The following GRIK2 variants were observed in gnomAD, a reference collection of about 807,000 sequenced individuals.
The protein encoded by GRIK2 is glutamate receptor ionotropic, kainate 2.
GRIK2 carries 32 observed loss-of-function variants against 100.3 expected under a neutral mutation model. The ratio of observed to expected loss-of-function variants is 0.32; its 90% CI spans 0.24 to 0.43. GRIK2 has a LOEUF of 0.43. GRIK2 is among the 20% of genes least tolerant of loss of function. The pLI, the probability that GRIK2 is intolerant of heterozygous loss-of-function variation, is 1.00. For missense variants in GRIK2, 843 were observed against 1,114.9 expected, an observed-to-expected ratio of 0.76 and a Z score of 3.47; for synonymous variants, 417 against 389.4, an observed-to-expected ratio of 1.07 and a Z score of -0.83.
chr6:101,740,598 GT>G (rs982541031), intron 7 of GRIK2, among the ~76,000 whole-genome samples: 7 of 152,094 alleles, frequency 4.6e-5, no homozygotes, highest in Non-Finnish European at 8.8e-5. Context: ...TCTGTTTTGT[GT>G]TTTTATAAAG....
chr6:101,402,454 G>A (rs751560322), intron 2 of GRIK2, among the ~76,000 whole-genome samples: 17 of 152,250 alleles, frequency 1.1e-4, no homozygotes, highest in Non-Finnish European at 2.4e-4. Flanking sequence ...AGGCTGGCCT[G>A]CTCCTCTGCA....
intron 14 of GRIK2, among the ~76,000 whole-genome samples, chr6:102,013,060 C>A (rs1228203682): frequency 6.6e-6 from 1 of 152,100 alleles, no homozygotes; most frequent in Non-Finnish European, 1.5e-5. Flanking sequence ...TTTTTCCTAT[C>A]TATGAGTATA....
chr6:101,797,119 G>A (rs1179809514), intron 7 of GRIK2, among the ~76,000 whole-genome samples: 1 of 151,898 alleles, frequency 6.6e-6, no homozygotes, highest in Non-Finnish European at 1.5e-5. Flanking sequence ...CTTGGAATTA[G>A]AAATATTATA....
chr6:101,802,589 A>T (rs1008202474), intron 9 of GRIK2, 151 bp downstream of exon 9: 3 of 412,866 alleles, frequency 7.3e-6, no homozygotes, highest in African/African-American at 6.2e-5. Flanking sequence ...GAATATAATA[A>T]TTGACAATTA....
At chr6:101,975,855 C>A (rs1288063417) in intron 14 of GRIK2, among the ~76,000 whole-genome samples, 1 of 151,850 alleles carries the variant, frequency 6.6e-6, no homozygotes, top group Non-Finnish European at 1.5e-5. Context: ...ATCCCTCCAT[C>A]CATCCATCCA....
chr6:101,575,305 T>C lies in GRIK2; in HGVS notation c.116-46644T>C, dbSNP rs573225941. Among the ~76,000 whole-genome samples the C allele has an allele frequency of 7.2e-5, 11 of 152,058 alleles. No individual in the cohort carries two copies. The South Asian group carries it at 1.9e-3, about 26-fold the overall frequency. On this transcript the variant is annotated intron_variant, in intron 2 of 16. Transcript: ENST00000369134. ...CTATTCAAATAAATTACAAATGTAA[T>C]AGTTTTCTAATTTTTTTGTAGCAGA...
At chr6:101,856,373 T>A (rs949047389) in intron 10 of GRIK2, among the ~76,000 whole-genome samples, 2 of 152,202 alleles carry the variant, frequency 1.3e-5, no homozygotes, top group African/African-American at 4.8e-5. Context: ...ATGTGAGCTG[T>A]AATATAATGT....
rs969115536 is a variant in GRIK2, at chr6:101,685,052, C to T, written c.778-1128C>T. On this transcript the variant is annotated intron_variant, in intron 6 of 16. Coordinates refer to ENST00000369134, the MANE Select transcript of GRIK2 (RefSeq NM_021956.5). ...ATATTTGGGGGTAGCATGTTCTGAGCCTCATCACAGCTAAGATCCCATCTG... is the reference window on the plus strand; with the variant it reads ...ATATTTGGGGGTAGCATGTTCTGAGTCTCATCACAGCTAAGATCCCATCTG... 2.6e-4 allele frequency among the ~76,000 whole-genome samples: 40 copies of T among 152,206 alleles called. 1 individual carries two copies. The highest frequency in any genetic ancestry group is 9.6e-4 in the African/African-American group (40 of 41,528).
intron 7 of GRIK2, among the ~76,000 whole-genome samples, chr6:101,710,028 G>A (rs1032407196): frequency 6.6e-6 from 1 of 151,748 alleles, no homozygotes; most frequent in East Asian, 1.9e-4. Context: ...ATTAACTCTG[G>A]GAATTATATC....
At chr6:101,662,343 G>A (rs951855647) in intron 4 of GRIK2, among the ~76,000 whole-genome samples, 3 of 152,080 alleles carry the variant, frequency 2.0e-5, no homozygotes, top group African/African-American at 4.8e-5. Flanking sequence ...TCATAGGCTC[G>A]CTTCTCCTTG....
chr6:101,976,458 G>A (rs1457109334), intron 14 of GRIK2, among the ~76,000 whole-genome samples: 1 of 151,798 alleles, frequency 6.6e-6, no homozygotes, highest in Non-Finnish European at 1.5e-5. Flanking sequence ...GCACTTTGTG[G>A]GCCTGAGGAG....
At chr6:101,679,913 T>C (rs1436308863) in intron 5 of GRIK2, among the ~76,000 whole-genome samples, 1 of 152,182 alleles carries the variant, frequency 6.6e-6, no homozygotes, top group Non-Finnish European at 1.5e-5. Flanking sequence ...GTATTTTTTG[T>C]ATTTTTAGTA....
At chr6:101,709,235 G>A (rs1016884094) in intron 7 of GRIK2, among the ~76,000 whole-genome samples, 7 of 151,618 alleles carry the variant, frequency 4.6e-5, no homozygotes, top group African/African-American at 1.7e-4. Flanking sequence ...CTATGAGAAA[G>A]ATATAAAACA....
intron 2 of GRIK2, among the ~76,000 whole-genome samples, chr6:101,592,624 T>TATATATATATATATATATATA (rs71028078): frequency 7.4e-4 from 99 of 133,408 alleles, no homozygotes; most frequent in East Asian, 1.1e-3. Context: ...TATATATATA[T>TATATATATATATATATATATA]TGCTTTTTCA....
At chr6:101,704,874 A>C (rs1356905199) in intron 7 of GRIK2, among the ~76,000 whole-genome samples, 1 of 149,802 alleles carries the variant, frequency 6.7e-6, no homozygotes, top group African/African-American at 2.4e-5. Flanking sequence ...TAAACTATTA[A>C]GTTTCTCTCA....
At chr6:101,894,620 A>G (rs1345913089) in intron 12 of GRIK2, among the ~76,000 whole-genome samples, 4 of 151,688 alleles carry the variant, frequency 2.6e-5, no homozygotes, top group African/African-American at 9.7e-5. Context: ...GATGGCAGTT[A>G]GTCATATAAA....
rs1460531311 is a variant in GRIK2 at position 101,528,503 on chromosome 6, G to C, written c.116-93446G>C. On this transcript the variant is annotated intron_variant, in intron 2 of 16. Coordinates refer to ENST00000369134, the MANE Select transcript of GRIK2 (RefSeq NM_021956.5). ...GACTTTTTAGGTTTTCAAATTTCAG[G>C]TAAGGAACTGTGAAACTCTATTATA... Among the ~76,000 whole-genome samples, 6 of 152,060 alleles carry C rather than the reference G, an allele frequency of 3.9e-5. No individual in the cohort carries two copies. In the East Asian group the frequency reaches 1.2e-3, roughly 29 times the overall value.
At chr6:101,754,891 G>A (rs146617542) in intron 7 of GRIK2, among the ~76,000 whole-genome samples, 136 of 152,264 alleles carry the variant, frequency 8.9e-4, no homozygotes, top group African/African-American at 3.1e-3. Context: ...AAGGGATAGC[G>A]GAATGTAAAC....
chr6:101,436,196 A>G (rs191019615), intron 2 of GRIK2, among the ~76,000 whole-genome samples: 77 of 152,212 alleles, frequency 5.1e-4, no homozygotes, highest in Non-Finnish European at 7.8e-4. Flanking sequence ...TTAAATATTA[A>G]TATAGCTACA....
Sources: gnomAD v4.1 joint callset for allele counts (sites outside exome capture counted in the v4.1 genomes callset) on GRCh38, gnomAD v4.1.1 for gene constraint, MANE v1.5 for transcripts, NCBI Gene and HGNC (gene_info 2026-07-23, HGNC 2026-07-21) for gene names.